The following LPA variants were observed in gnomAD, a reference collection of about 807,000 sequenced individuals.
LPA encodes apolipoprotein(a).
Under a neutral mutation model 197.9 loss-of-function variants are expected in LPA, and 199 were observed. That is an observed-to-expected ratio of 1.01 (90% CI 0.90 to 1.13). The LOEUF is 1.13. LPA is among the 50% of genes most tolerant of loss of function. The pLI is 0.00. For missense variants in LPA, 1,853 were observed against 1,785.8 expected (o/e 1.04, Z -0.68); for synonymous variants, 715 against 639.5 (o/e 1.12, Z -1.78).
Position 160,654,048 on chromosome 6 carries a change from AT to A in LPA, c.50-3552del, listed in dbSNP as rs1562354943. ...ATATAATATATATTATATATAATAT[AT>A]AATATATTATATATATTATATATAA... On this transcript the variant is annotated intron_variant, in intron 1 of 38. Coordinates refer to ENST00000316300, the MANE Select transcript of LPA (RefSeq NM_005577.4). Among the ~76,000 whole-genome samples the A allele has an allele frequency of 1.2e-3, 13 of 10,958 alleles. 3 individuals carry two copies. The East Asian group carries it at 0.024, about 20-fold the overall frequency. 7.2% of individuals were successfully genotyped at this position (10,958 alleles called of 152,430 possible).
At position 160,577,234 on chromosome 6, in the gene LPA, T is replaced by C. The variant is rs1429264084; in HGVS notation, c.4533A>G (p.Arg1511=). The C allele has an allele frequency of 6.2e-7, 1 of 1,613,796 alleles. No homozygotes were observed. Among genetic ancestry groups the C allele is most frequent in the Non-Finnish European group, 8.5e-7 (1 of 1,179,868 alleles). ...DCYHGDGRSY[R]GISSTTVTGR... ...CTGTGACAGTGGTGGAGGATATGCCTCGATAACTCCGTCCATCACCATGGT... is the reference window on the plus strand; with the variant it reads ...CTGTGACAGTGGTGGAGGATATGCCCCGATAACTCCGTCCATCACCATGGT... The change falls in exon 28 of 39, where the codon CGA becomes CGG. Residue 1511 remains arginine (R), a synonymous_variant. Transcript: ENST00000316300.
chr6:160,590,801 G>A (rs1296773380), intron 23 of LPA, 143 bp downstream of exon 23: 18 of 1,158,850 alleles, frequency 1.6e-5, no homozygotes, highest in African/African-American at 1.5e-5. Flanking sequence ...CAGAGAAGGC[G>A]CTGAGGCTTC....
chr6:160,541,403 C>T (rs1416375028), intron 34 of LPA, among the ~76,000 whole-genome samples: 1 of 152,180 alleles, frequency 6.6e-6, no homozygotes, highest in Admixed American at 6.5e-5. Flanking sequence ...ATGCCTGAGG[C>T]AAGAATAGGC....
chr6:160,609,559 T>C (rs899799576), intron 16 of LPA, among the ~76,000 whole-genome samples: 5 of 152,120 alleles, frequency 3.3e-5, no homozygotes, highest in Admixed American at 1.3e-4. Flanking sequence ...ATCCCTTTAG[T>C]TTCATGAATC....
intron 18 of LPA, among the ~76,000 whole-genome samples, chr6:160,604,267 C>G (rs1398569663): frequency 6.6e-6 from 1 of 152,180 alleles, no homozygotes; most frequent in Non-Finnish European, 1.5e-5. Flanking sequence ...CTCTTCAGTG[C>G]AAGAAGGGCC....
At chr6:160,610,641 C>T (rs926423112) in intron 16 of LPA, among the ~76,000 whole-genome samples, 4 of 152,136 alleles carry the variant, frequency 2.6e-5, no homozygotes, top group East Asian at 3.9e-4. Context: ...ATTTGTAGAG[C>T]TCCTTTCCTC....
At chr6:160,601,184 G>T in intron 18 of LPA, 86 bp from the exon 19 acceptor site, 1 of 1,194,768 alleles carries the variant, frequency 8.4e-7, no homozygotes, top group Non-Finnish European at 1.2e-6. Context: ...GGTCATTACT[G>T]GTGCCTTTGA....
At chr6:160,615,415 G>A (rs1409158510) in intron 14 of LPA, among the ~76,000 whole-genome samples, 3 of 108,800 alleles carry the variant, frequency 2.8e-5, no homozygotes, top group Admixed American at 1.6e-4. Flanking sequence ...CTAAAATTGT[G>A]TGTTGGGTAA....
intron 1 of LPA, among the ~76,000 whole-genome samples, chr6:160,659,616 G>A (rs546392189): frequency 2.6e-5 from 4 of 152,320 alleles, no homozygotes; most frequent in South Asian, 2.1e-4. Context: ...GGGCATTAAC[G>A]GTGGTACTGC....
In LPA at chr6:160,545,520, G is replaced by A; in HGVS notation, c.5318C>T (p.Pro1773Leu). 6.2e-7 allele frequency: 1 copy of A among 1,612,454 alleles called. No homozygotes were observed. The highest frequency in any genetic ancestry group is 2.2e-5 in the East Asian group (1 of 44,860). The change falls in exon 33 of 39, where the codon CCT becomes CTT. Residue 1773 changes from proline to leucine, a missense_variant. By Grantham distance (98) the Pro-to-Leu change is moderately conservative. Around this residue, in one of 3 missense-constraint regions of LPA, gnomAD observed 1,737 missense variants for 1,504.4 expected, o/e 1.15. Coordinates refer to ENST00000316300, the MANE Select transcript of LPA (RefSeq NM_005577.4). ...AGLEKNYCRN[P>L]DGDINGPWCY... ...CCAGGGACCATTGATGTCACCATCA[G>A]GGTTACGGCAGTACTGAAAACAAGC...
At chr6:160,555,940 C>T (rs981307900) in intron 30 of LPA, 85 bp downstream of exon 30, 29 of 1,203,454 alleles carry the variant, frequency 2.4e-5, no homozygotes, top group Admixed American at 3.4e-5. Flanking sequence ...GAAATTTGTC[C>T]TAACAAGTTA....
intron 33 of LPA, among the ~76,000 whole-genome samples, chr6:160,543,494 A>G (rs931689562): frequency 9.4e-5 from 14 of 148,332 alleles, no homozygotes; most frequent in African/African-American, 3.2e-4. Context: ...TCCCCAACCA[A>G]CCAGAGATTC....
rs143056855 is a variant in LPA at position 160,603,233 on chromosome 6, G to GGGGTGTGTGT, written c.2945+1812_2945+1813insACACACACCC. Among the ~76,000 whole-genome samples, 26 of 144,866 alleles carry GGGGTGTGTGT rather than the reference G, an allele frequency of 1.8e-4. No homozygotes were observed. The East Asian group carries it at 2.7e-3, about 15-fold the overall frequency. ...GATTTCATTTTTTAGTATTTGTGGA[G>GGGGTGTGTGT]GTGTGTGTGTGTGTGTGTGTGTGTG... On this transcript the variant is annotated intron_variant, in intron 18 of 38. Coordinates refer to ENST00000316300, the MANE Select transcript of LPA (RefSeq NM_005577.4).
Position 160,650,338 on chromosome 6 carries a change from G to A in LPA, c.209C>T (p.Ala70Val), listed in dbSNP as rs544895795. The A allele has an allele frequency of 2.1e-5, 34 of 1,612,848 alleles. No homozygotes were observed. The Middle Eastern group carries it at 8.6e-4, about 41-fold the overall frequency. The change falls in exon 2 of 39, where the codon GCT (alanine) becomes GTT (valine). Residue 70 changes from alanine (A) to valine (V), a missense_variant and splice_region_variant. Ala to Val is a moderately conservative substitution (Grantham distance 64). This residue lies in a region of LPA where 88 missense variants were observed against 83.0 expected (regional missense o/e 1.06). Coordinates refer to ENST00000316300, the MANE Select transcript of LPA (RefSeq NM_005577.4). ...GCTTACTGTAAGATTAATGACATAC[G>A]CATTTGGGTAGTTTTCTGTGGTCCT... Reference protein sequence around the residue: ...HNRTTENYPNAGLIMNYCRNP... With the variant: ...HNRTTENYPNVGLIMNYCRNP...
At chr6:160,539,037 C>T (rs1410524134) in intron 36 of LPA, among the ~76,000 whole-genome samples, 2 of 152,162 alleles carry the variant, frequency 1.3e-5, no homozygotes, top group African/African-American at 4.8e-5. Flanking sequence ...TCTCTCCTTC[C>T]TAGAGTGTCA....
rs779750198 is a variant in LPA at position 160,650,396 on chromosome 6, C to T, written c.151G>A (p.Ala51Thr). 4 of 1,613,934 alleles carry T rather than the reference C, an allele frequency of 2.5e-6. No individual in the cohort carries two copies. Among genetic ancestry groups the T allele is most frequent in the South Asian group, 2.2e-5 (2 of 91,084 alleles). ...TGATGTGGTGTCATAGATGACCAAG[C>T]TTGGCAGGTCCTTCCTGTGACAGTG... Reference protein sequence around the residue: ...STTVTGRTCQAWSSMTPHQHN... With the variant: ...STTVTGRTCQTWSSMTPHQHN... The change falls in exon 2 of 39, where the codon GCT becomes ACT. Residue 51 changes from alanine (A) to threonine (T), a missense_variant. Physicochemically the swap from Ala to Thr is moderately conservative, Grantham distance 58. Transcript: ENST00000316300.
chr6:160,651,408 A>G (rs1242035377), intron 1 of LPA, among the ~76,000 whole-genome samples: 1 of 152,222 alleles, frequency 6.6e-6, no homozygotes, highest in East Asian at 1.9e-4. Context: ...CACTCTAAGC[A>G]AAAGATAGCA....
At chr6:160,594,238 C>CCTG in intron 21 of LPA, 121 bp from the exon 22 acceptor site, 1 of 1,220,836 alleles carries the variant, frequency 8.2e-7, no homozygotes. Context: ...CTGTTCTGTA[C>CCTG]TAGCAGGCAG....
chr6:160,538,069 G>GCCTT, intron 36 of LPA, 108 bp from the exon 37 acceptor site: 1 of 877,628 alleles, frequency 1.1e-6, no homozygotes, highest in South Asian at 1.4e-5. Context: ...AGCTGGCACT[G>GCCTT]CCTTGCTTCA....
Sources: gnomAD v4.1 joint callset for allele counts (sites outside exome capture counted in the v4.1 genomes callset) on GRCh38, gnomAD v4.1.1 for gene constraint, gnomAD v4.1.1 regional missense constraint, MANE v1.5 for transcripts, NCBI Gene and HGNC (gene_info 2026-07-23, HGNC 2026-07-21) for gene names.